FRMD4B: variants seen among roughly 807,000 people sequenced by gnomAD.
The protein encoded by FRMD4B is FERM domain-containing protein 4B.
FRMD4B carries 74 observed loss-of-function variants against 141.5 expected under a neutral mutation model. The observed-to-expected ratio is 0.52, with a 90% CI of 0.43 to 0.63. The LOEUF is 0.63. Among genes scored for constraint, FRMD4B ranks in the 30% least tolerant of loss-of-function variants. The pLI is 0.00. For missense variants in FRMD4B, 1,366 were observed against 1,253.4 expected, an observed-to-expected ratio of 1.09 and a Z score of -1.36; for synonymous variants, 506 against 467.9, an observed-to-expected ratio of 1.08 and a Z score of -1.05.
chr3:69,349,598 A>C (rs1297236565), intron 1 of FRMD4B, among the ~76,000 whole-genome samples: 2 of 152,146 alleles, frequency 1.3e-5, no homozygotes, highest in African/African-American at 4.8e-5. Context: ...AGTAACCAAA[A>C]AAGCATGGTA....
chr3:69,380,257 C>T (rs564153003), intron 1 of FRMD4B, among the ~76,000 whole-genome samples: 1 of 152,194 alleles, frequency 6.6e-6, no homozygotes, highest in African/African-American at 2.4e-5. Context: ...GTCCACCCCA[C>T]ACACGCTGCT....
intron 8 of FRMD4B, among the ~76,000 whole-genome samples, chr3:69,223,893 G>C (rs2093223025): frequency 6.6e-6 from 1 of 152,140 alleles, no homozygotes; most frequent in African/African-American, 2.4e-5. Context: ...AGTTTCCAGA[G>C]TCAAGATGCT....
chr3:69,397,740 T>C (rs1417708248), intron 2 of FRMD4B, among the ~76,000 whole-genome samples: 3 of 151,868 alleles, frequency 2.0e-5, no homozygotes, highest in Non-Finnish European at 2.9e-5. Flanking sequence ...GAATGACTGC[T>C]AATTAGTACA....
chr3:69,490,657 CTTCTGTCTTGGT>C (rs1559543788), intron 1 of FRMD4B, among the ~76,000 whole-genome samples: 7 of 152,172 alleles, frequency 4.6e-5, no homozygotes, highest in Admixed American at 3.3e-4. Flanking sequence ...CTAACAGTAG[CTTCTGTCTTGGT>C]TTCCATATTC....
chr3:69,429,677 G>A (rs1480566839), intron 2 of FRMD4B, among the ~76,000 whole-genome samples: 2 of 151,722 alleles, frequency 1.3e-5, no homozygotes, highest in Admixed American at 1.3e-4. Flanking sequence ...GGTATGCAAC[G>A]CGGGCAGAAG....
intron 2 of FRMD4B, among the ~76,000 whole-genome samples, chr3:69,431,844 G>C (rs989534585): frequency 6.6e-6 from 1 of 152,154 alleles, no homozygotes; most frequent in Non-Finnish European, 1.5e-5. Context: ...GTTCCTAACT[G>C]TTGCACATTT....
At chr3:69,353,038 C>T (rs888583642) in intron 1 of FRMD4B, among the ~76,000 whole-genome samples, 2 of 151,888 alleles carry the variant, frequency 1.3e-5, no homozygotes, top group African/African-American at 4.8e-5. Context: ...GACACAGTTC[C>T]TGCCCTCTCT....
intron 1 of FRMD4B, among the ~76,000 whole-genome samples, chr3:69,339,582 A>G (rs1346771522): frequency 6.6e-6 from 1 of 152,220 alleles, no homozygotes; most frequent in Non-Finnish European, 1.5e-5. Context: ...ATGCAGCTAC[A>G]TGAACCATTA....
chr3:69,252,585 T>G (rs942628195), intron 5 of FRMD4B, among the ~76,000 whole-genome samples: 1 of 152,242 alleles, frequency 6.6e-6, no homozygotes, highest in African/African-American at 2.4e-5. Flanking sequence ...CTTTGACTCA[T>G]TCACGGAGTT....
intron 5 of FRMD4B, among the ~76,000 whole-genome samples, chr3:69,268,176 T>C (rs1234672179): frequency 6.6e-6 from 1 of 151,900 alleles, no homozygotes; most frequent in East Asian, 1.9e-4. Flanking sequence ...TCTGCCAATA[T>C]CTGAATCCTC....
rs896918974 is a variant in FRMD4B, at chr3:69,540,740, C to T, written c.-129+1466G>A. Among the ~76,000 whole-genome samples, 5 of 149,736 alleles carry T rather than the reference C, an allele frequency of 3.3e-5. No individual in the cohort carries two copies. In the East Asian group the frequency reaches 9.8e-4, roughly 29 times the overall value. The stretch of plus-strand genomic sequence containing the variant: ...ATTTTCTTCATACTCATTACCACCA[C>T]CACTGCAGCACATCCCTTTCGGAGG... On this transcript the variant is annotated intron_variant, in intron 1 of 5. Coordinates refer to the FRMD4B transcript ENST00000459638.
chr3:69,393,084 C>T (rs1292253042), intron 2 of FRMD4B, among the ~76,000 whole-genome samples: 1 of 152,102 alleles, frequency 6.6e-6, no homozygotes, highest in Non-Finnish European at 1.5e-5. Flanking sequence ...GCCTTCATGA[C>T]TATGAATGGC....
chr3:69,459,941 C>T (rs1237857605), intron 1 of FRMD4B, among the ~76,000 whole-genome samples: 1 of 152,098 alleles, frequency 6.6e-6, no homozygotes, highest in Non-Finnish European at 1.5e-5. Context: ...TGTTTACCTC[C>T]ATCAAATTAT....
intron 1 of FRMD4B, among the ~76,000 whole-genome samples, chr3:69,466,556 T>C (rs1481896324): frequency 6.6e-6 from 1 of 152,212 alleles, no homozygotes; most frequent in East Asian, 1.9e-4. Context: ...AGGGTACTAA[T>C]ATAGCACAGT....
intron 1 of FRMD4B, among the ~76,000 whole-genome samples, chr3:69,488,630 C>T (rs566615325): frequency 2.0e-5 from 3 of 152,094 alleles, no homozygotes; most frequent in South Asian, 2.1e-4. Context: ...AGGCCTGGCA[C>T]GGTGGTTCAC....
chr3:69,456,534 T>C (rs1705617574), intron 1 of FRMD4B, among the ~76,000 whole-genome samples: 1 of 152,118 alleles, frequency 6.6e-6, no homozygotes, highest in Non-Finnish European at 1.5e-5. Context: ...AGCTGATTTT[T>C]CTCCATCACA....
chr3:69,213,039 A>G (rs981508518), intron 11 of FRMD4B, among the ~76,000 whole-genome samples: 5 of 152,200 alleles, frequency 3.3e-5, no homozygotes, highest in African/African-American at 1.2e-4. Context: ...TATGATGTCC[A>G]TCAAAAGTGA....
At position 69,311,272 on chromosome 3, in the gene FRMD4B, A is replaced by G. The variant is rs371122851; in HGVS notation, c.314T>C (p.Ile105Thr). ...CTATTAAAGGACTTACGTGTCATCT[A>G]TGAATGTTATTCCAAAATACTCCTT... Reference protein sequence around the residue: ...KEKEYFGITFIDDTGQQNWLQ... With the variant: ...KEKEYFGITFTDDTGQQNWLQ... Residue 105 changes from isoleucine to threonine, a missense_variant, in exon 3 of 23, where the codon ATA (isoleucine) becomes ACA (threonine). By Grantham distance (89) the Ile-to-Thr change is moderately conservative. Transcript: ENST00000398540. 58 of 1,489,286 alleles carry G rather than the reference A, an allele frequency of 3.9e-5. No individual in the cohort carries two copies. Among genetic ancestry groups the G allele is most frequent in the Non-Finnish European group, 5.1e-5 (54 of 1,067,742 alleles). 92.3% of individuals were successfully genotyped at this position (1,489,286 alleles called of 1,614,324 possible). A position where few individuals can be genotyped will look rare whatever the true frequency, so the allele number is the denominator to read the frequency against.
intron 9 of FRMD4B, among the ~76,000 whole-genome samples, chr3:69,221,347 A>G (rs2093192814): frequency 6.6e-6 from 1 of 152,222 alleles, no homozygotes; most frequent in African/African-American, 2.4e-5. Flanking sequence ...ATGAAGAAAC[A>G]GACTATCTAA....
Sources: gnomAD v4.1 joint callset for allele counts (sites outside exome capture counted in the v4.1 genomes callset) on GRCh38, gnomAD v4.1.1 for gene constraint, MANE v1.5 for transcripts, NCBI Gene and HGNC (gene_info 2026-07-23, HGNC 2026-07-21) for gene names.